The following DYNC2H1 variants were observed in gnomAD, a reference collection of about 807,000 sequenced individuals.
DYNC2H1 encodes cytoplasmic dynein 2 heavy chain 1.
In DYNC2H1, 410 loss-of-function variants were observed where a neutral mutation model predicts 570.0. The observed-to-expected ratio is 0.72, with a 90% confidence interval of 0.66 to 0.78. The LOEUF (loss-of-function observed/expected upper bound fraction) is 0.78, where lower values mean the gene tolerates loss of function less well. Among genes scored for constraint, DYNC2H1 ranks in the 30% least tolerant of loss-of-function variants. The pLI is 0.00. For synonymous variants in DYNC2H1, 1,688 were observed against 1,677.6 expected (o/e 1.01, Z -0.15); for missense variants, 4,865 against 5,046.4 (o/e 0.96, Z 1.09).
intron 83 of DYNC2H1, among the ~76,000 whole-genome samples, chr11:103,391,721 G>T (rs1035565311): frequency 6.6e-6 from 1 of 152,212 alleles, no homozygotes; most frequent in Non-Finnish European, 1.5e-5. Context: ...TAACAGTAAA[G>T]ACCCTCAGCT....
At chr11:103,451,419 G>GC (rs1390136547) in intron 85 of DYNC2H1, among the ~76,000 whole-genome samples, 2 of 124,916 alleles carry the variant, frequency 1.6e-5, no homozygotes, top group Non-Finnish European at 3.1e-5. Flanking sequence ...TGCAACCTCC[G>GC]CCTCCCAGGT....
In DYNC2H1 at chr11:103,321,134, T is replaced by C; in HGVS notation, c.11831T>C (p.Leu3944Pro). ...YFDLRVLQSYLKQFFNSSVID... is the reference protein window; with the variant it reads ...YFDLRVLQSYPKQFFNSSVID... Reference sequence around the variant, plus strand: ...GACCTTAGAGTTCTTCAGTCATACCTGAAGCAGTTTTTTAATTCTTCAGTT... The same window carrying C: ...GACCTTAGAGTTCTTCAGTCATACCCGAAGCAGTTTTTTAATTCTTCAGTT... The change falls in exon 81 of 89, where the codon CTG becomes CCG. Residue 3944 changes from leucine to proline, a missense_variant. Coordinates refer to ENST00000375735, the MANE Select transcript of DYNC2H1 (RefSeq NM_001377.3). 1 of 1,612,378 alleles carries C rather than the reference T, an allele frequency of 6.2e-7. No homozygotes were observed. The highest frequency in any genetic ancestry group is 1.1e-5 in the South Asian group (1 of 90,850).
rs978618119 is a variant in DYNC2H1, at chr11:103,257,816, T to C, written c.10605+65T>C. 5 of 1,278,606 alleles carry C rather than the reference T, an allele frequency of 3.9e-6. No individual in the cohort carries two copies. In the African/African-American group the frequency reaches 6.1e-5, roughly 16 times the overall value. 79.2% of individuals were successfully genotyped at this position (1,278,606 alleles called of 1,614,324 possible). A position where few individuals can be genotyped will look rare whatever the true frequency, so the allele number is the denominator to read the frequency against. ...GGGATTACTTTACTAGGGATAGTAC[T>C]TAATTTATAATAAAAATTATTAAGC... is the stretch of plus-strand genomic sequence containing the variant. On this transcript the variant is annotated intron_variant, in intron 69 of 88. Transcript: ENST00000375735.
At chr11:103,142,352 C>T (rs555103988) in intron 17 of DYNC2H1, among the ~76,000 whole-genome samples, 2 of 152,242 alleles carry the variant, frequency 1.3e-5, no homozygotes, top group East Asian at 3.9e-4. Flanking sequence ...GCCATCTTCG[C>T]TTTTTATTTT....
chr11:103,273,683 C>G (rs1389654434), intron 70 of DYNC2H1, among the ~76,000 whole-genome samples: 1 of 151,978 alleles, frequency 6.6e-6, no homozygotes, highest in Non-Finnish European at 1.5e-5. Flanking sequence ...GGTAGGCAAC[C>G]AGATATAGGG....
chr11:103,387,451 TG>T (rs2135595665), intron 83 of DYNC2H1, among the ~76,000 whole-genome samples: 1 of 152,350 alleles, frequency 6.6e-6, no homozygotes, highest in East Asian at 1.9e-4. Flanking sequence ...TTCTGTCAGT[TG>T]CCTGTTCTCT....
At chr11:103,242,927 G>T (rs1321232121) in intron 63 of DYNC2H1, among the ~76,000 whole-genome samples, 1 of 152,048 alleles carries the variant, frequency 6.6e-6, no homozygotes, top group Non-Finnish European at 1.5e-5. Context: ...CACCATGTTG[G>T]CTGGGATGGT....
intron 70 of DYNC2H1, among the ~76,000 whole-genome samples, chr11:103,274,182 G>A (rs1387062567): frequency 6.6e-6 from 1 of 151,344 alleles, no homozygotes; most frequent in Non-Finnish European, 1.5e-5. Flanking sequence ...GTGTGTCACA[G>A]ATATATATAT....
intron 83 of DYNC2H1, among the ~76,000 whole-genome samples, chr11:103,391,458 C>G (rs1011367909): frequency 1.3e-5 from 2 of 152,146 alleles, no homozygotes; most frequent in African/African-American, 4.8e-5. Flanking sequence ...TCCTTTAGCT[C>G]GGAGAAGTTT....
intron 83 of DYNC2H1, among the ~76,000 whole-genome samples, chr11:103,392,154 C>T (rs527376626): frequency 1.1e-4 from 16 of 152,342 alleles, no homozygotes; most frequent in Middle Eastern, 3.4e-3. Context: ...CCACCCAGTT[C>T]GAGCTTCCCG....
At chr11:103,427,860 T>A (rs188496731) in intron 84 of DYNC2H1, among the ~76,000 whole-genome samples, 1 of 152,036 alleles carries the variant, frequency 6.6e-6, no homozygotes, top group East Asian at 1.9e-4. Context: ...ACAGCAAATA[T>A]TAACTAAATC....
intron 54 of DYNC2H1, among the ~76,000 whole-genome samples, chr11:103,214,732 T>A (rs1863310348): frequency 6.6e-6 from 1 of 151,656 alleles, no homozygotes; most frequent in Non-Finnish European, 1.5e-5. Flanking sequence ...TGTGAGCCAC[T>A]GCACCCAGCC....
At chr11:103,192,410 T>G (rs1862355442) in intron 47 of DYNC2H1, 146 bp downstream of exon 47, 2 of 558,916 alleles carry the variant, frequency 3.6e-6, no homozygotes, top group East Asian at 6.9e-5. Flanking sequence ...CAGCTCAGTC[T>G]TTTTTGCTGG....
intron 84 of DYNC2H1, chr11:103,403,923 A>G (rs1942752155): frequency 6.6e-6 from 1 of 151,990 alleles, no homozygotes; most frequent in African/African-American, 2.4e-5. Context: ...GTTATAGAAT[A>G]CGTAGGGATG....
At chr11:103,462,986 T>C (rs999111349) in intron 87 of DYNC2H1, among the ~76,000 whole-genome samples, 2 of 152,204 alleles carry the variant, frequency 1.3e-5, no homozygotes, top group African/African-American at 2.4e-5. Context: ...GAAACAATCA[T>C]GCAGATCAGT....
At chr11:103,206,196 A>G (rs1057293111) in intron 52 of DYNC2H1, among the ~76,000 whole-genome samples, 21 of 152,162 alleles carry the variant, frequency 1.4e-4, no homozygotes, top group Non-Finnish European at 4.4e-5. Context: ...ATAAGGTGTA[A>G]CAGAAAGTGA....
chr11:103,421,784 G>A (rs907438390), intron 84 of DYNC2H1, among the ~76,000 whole-genome samples: 2 of 151,814 alleles, frequency 1.3e-5, no homozygotes, highest in African/African-American at 4.8e-5. Context: ...AACCTAACAT[G>A]CCAACTAAAA....
At chr11:103,158,609 T>G (rs1565352507) in intron 26 of DYNC2H1, 68 bp from the exon 27 acceptor site, 2 of 1,320,192 alleles carry the variant, frequency 1.5e-6, no homozygotes, top group Non-Finnish European at 2.1e-6. Flanking sequence ...AAAAAAAGTC[T>G]TAATCTGTTT....
At chr11:103,233,962 T>A in intron 60 of DYNC2H1, 72 bp from the exon 61 acceptor site, 1 of 1,454,080 alleles carries the variant, frequency 6.9e-7, no homozygotes, top group Non-Finnish European at 9.2e-7. Context: ...TTTACTTTAT[T>A]ACCTATGGAT....
Sources: gnomAD v4.1 joint callset for allele counts (sites outside exome capture counted in the v4.1 genomes callset) on GRCh38, gnomAD v4.1.1 for gene constraint, MANE v1.5 for transcripts, NCBI Gene and HGNC (gene_info 2026-07-23, HGNC 2026-07-21) for gene names.